SLC22A2: variants seen among roughly 807,000 people sequenced by gnomAD.
The protein encoded by SLC22A2 is organic cation transporter 2.
A neutral mutation model predicts 60.5 loss-of-function variants in SLC22A2; 46 were observed. The ratio of observed to expected loss-of-function variants is 0.76; its 90% CI spans 0.60 to 0.97. SLC22A2 has a LOEUF of 0.97. Ranked by LOEUF, SLC22A2 falls within the 50% of genes least tolerant of loss-of-function variation. SLC22A2 has a pLI of 0.00. For missense variants in SLC22A2, 701 were observed against 706.6 expected, an observed-to-expected ratio of 0.99 and a Z score of 0.09; for synonymous variants, 303 against 267.0, an observed-to-expected ratio of 1.13 and a Z score of -1.31.
At position 160,243,628 on chromosome 6, in the gene SLC22A2, GC is replaced by G. The variant is rs747110454; in HGVS notation, c.1222del (p.Ala408LeufsTer24). 1 of 1,614,042 alleles carries G rather than the reference GC, an allele frequency of 6.2e-7. No homozygotes were observed. The highest frequency in any genetic ancestry group is 1.1e-5 in the South Asian group (1 of 91,076). Reference sequence around the variant, plus strand: ...TGCCCCTGCAACCATATTTGATGCAGCCCAAGGGTAACGGCGTCCGATGCGG... The same window carrying G: ...TGCCCCTGCAACCATATTTGATGCAGCCAAGGGTAACGGCGTCCGATGCGG... ...IDRIGRRYPW[A>X]ASNMVAGAAC... is the part of the protein sequence containing the mutation. On this transcript the variant is annotated frameshift_variant, in exon 7 of 11. Coordinates refer to ENST00000366953, the MANE Select transcript of SLC22A2 (RefSeq NM_003058.4). LOFTEE classifies it high-confidence loss of function.
intron 4 of SLC22A2, among the ~76,000 whole-genome samples, chr6:160,247,738 A>C (rs1011161369): frequency 1.3e-5 from 2 of 152,212 alleles, no homozygotes; most frequent in Admixed American, 1.3e-4. Context: ...GGTAACTGAA[A>C]AGCGAGACTT....
chr6:160,257,885 A>G (rs1783299517), intron 1 of SLC22A2: 1 of 155,036 alleles, frequency 6.5e-6, no homozygotes, highest in South Asian at 2.1e-4. Context: ...TGAGGAAATT[A>G]AAGAGAAAAA....
intron 6 of SLC22A2, 50 bp from the exon 7 acceptor site, chr6:160,243,836 C>A (rs1484952650): frequency 3.0e-6 from 4 of 1,328,508 alleles, no homozygotes; most frequent in Admixed American, 3.7e-5. Flanking sequence ...ACACAGGGCA[C>A]CAAAAAAGAG....
intron 3 of SLC22A2, 123 bp from the exon 4 acceptor site, chr6:160,249,507 T>C: frequency 1.4e-6 from 1 of 716,906 alleles, no homozygotes; most frequent in Non-Finnish European, 2.4e-6. Flanking sequence ...TCTACGCAAC[T>C]CTCTGAATAT....
At chr6:160,231,388 C>A (rs1311237413) in intron 9 of SLC22A2, among the ~76,000 whole-genome samples, 1 of 151,756 alleles carries the variant, frequency 6.6e-6, no homozygotes, top group African/African-American at 2.4e-5. Flanking sequence ...CCTTAACCCA[C>A]AAATATGGAA....
At chr6:160,218,021 C>A (rs1782569399) in intron 10 of SLC22A2, 1 of 160,998 alleles carries the variant, frequency 6.2e-6, no homozygotes. Context: ...CTGCTTTCTT[C>A]ATTTTGTTGT....
intron 2 of SLC22A2, among the ~76,000 whole-genome samples, chr6:160,255,034 C>T (rs1321182978): frequency 6.6e-6 from 1 of 152,206 alleles, no homozygotes; most frequent in East Asian, 1.9e-4. Flanking sequence ...TGAATGCCTG[C>T]AGGGCCAGAG....
At position 160,247,250 on chromosome 6, in the gene SLC22A2, A is replaced by G; in HGVS notation, c.891T>C (p.Ala297=). ...TGTGCTTAATGATTCTCATGGCTTCAGCATTCTTATTCTGGGAGATCAGCC... is the reference window on the plus strand; with the variant it reads ...TGTGCTTAATGATTCTCATGGCTTCGGCATTCTTATTCTGGGAGATCAGCC... The part of the protein sequence containing the change: ...PRWLISQNKN[A]EAMRIIKHIA... The change falls in exon 5 of 11, where the codon GCT becomes GCC. Residue 297 remains alanine (A), a synonymous_variant. Transcript: ENST00000366953. The G allele has an allele frequency of 3.7e-6, 6 of 1,613,892 alleles. No homozygotes were observed. The highest frequency in any genetic ancestry group is 5.1e-6 in the Non-Finnish European group (6 of 1,179,760).
chr6:160,224,506 C>A (rs747562223), intron 10 of SLC22A2, among the ~76,000 whole-genome samples, 199 bp downstream of exon 10: 8 of 152,208 alleles, frequency 5.3e-5, no homozygotes, highest in African/African-American at 1.9e-4. Flanking sequence ...ACCTTCTCCA[C>A]GTGAAAGTTT....
chr6:160,258,792 C>T lies in SLC22A2; in HGVS notation c.-35G>A, dbSNP rs777010025. On this transcript the variant is annotated 5_prime_UTR_variant, in exon 1 of 11. Coordinates refer to ENST00000366953, the MANE Select transcript of SLC22A2 (RefSeq NM_003058.4). ...GGCAGGAGGGCCCGAGGCTGCCCGA[C>T]GTGCCCGGAGCGAGGCTGAGAGCGG... The T allele has an allele frequency of 7.6e-5, 115 of 1,510,732 alleles. 1 individual carries two copies. Among genetic ancestry groups the T allele is most frequent in the Non-Finnish European group, 9.7e-5 (110 of 1,130,424 alleles). 93.6% of individuals were successfully genotyped at this position (1,510,732 alleles called of 1,614,324 possible).
At chr6:160,232,069 T>C (rs1430928910) in intron 9 of SLC22A2, among the ~76,000 whole-genome samples, 1 of 151,892 alleles carries the variant, frequency 6.6e-6, no homozygotes, top group African/African-American at 2.4e-5. Context: ...GTTCTCATAA[T>C]TTCCAAAATC....
chr6:160,218,544 C>G (rs1309191603), intron 10 of SLC22A2, among the ~76,000 whole-genome samples: 1 of 136,900 alleles, frequency 7.3e-6, no homozygotes, highest in Non-Finnish European at 1.6e-5. Flanking sequence ...GTAGCAGCAA[C>G]AGATATGGCA....
In SLC22A2 at chr6:160,224,734, C is replaced by G. The variant is rs144511904; in HGVS notation, c.1572G>C (p.Glu524Asp). 263 of 1,607,696 alleles carry G rather than the reference C, an allele frequency of 1.6e-4. 1 individual carries two copies. The highest frequency in any genetic ancestry group is 5.8e-4 in the South Asian group (52 of 89,862). ...GCATATTTTCGGCTTCCTCGATGGT[C>G]TCAGGCAAAGCTTTCCCTTTAGTTT... ...LPETKGKALP[E>D]TIEEAENMQR... The change falls in exon 10 of 11, where the codon GAG becomes GAC. Residue 524 changes from glutamate (E) to aspartate (D), a missense_variant. Transcript: ENST00000366953.
At position 160,243,697 on chromosome 6, in the gene SLC22A2, A is replaced by G. The variant is rs1783048085; in HGVS notation, c.1154T>C (p.Leu385Pro). 6.2e-7 allele frequency: 1 copy of G among 1,614,052 alleles called. No individual in the cohort carries two copies. The highest frequency in any genetic ancestry group is 1.3e-5 in the African/African-American group (1 of 75,044). Reference protein sequence around the residue: ...NIYLDFFYSALVEFPAAFMII... With the variant: ...NIYLDFFYSAPVEFPAAFMII... Reference sequence around the variant, plus strand: ...CATGAAGGCAGCTGGGAATTCAACCAGGGCAGAGTAGAAGAAATCCAGGTA... The same window carrying G: ...CATGAAGGCAGCTGGGAATTCAACCGGGGCAGAGTAGAAGAAATCCAGGTA... Residue 385 changes from leucine (L) to proline (P), a missense_variant, in exon 7 of 11, where the codon CTG becomes CCG. Coordinates refer to ENST00000366953, the MANE Select transcript of SLC22A2 (RefSeq NM_003058.4).
chr6:160,233,388 T>A lies in SLC22A2; in HGVS notation c.1501+8086A>T, dbSNP rs944656049. Reference sequence around the variant, plus strand: ...AGTTTCTCAGGCTCTTGGTATTCAGTGGAACCTTCATACCCCTTATCATCC... The same window carrying A: ...AGTTTCTCAGGCTCTTGGTATTCAGAGGAACCTTCATACCCCTTATCATCC... On this transcript the variant is annotated intron_variant, in intron 9 of 10. Transcript: ENST00000366953. Among the ~76,000 whole-genome samples the A allele has an allele frequency of 5.3e-5, 8 of 151,768 alleles. 1 individual carries two copies. Among genetic ancestry groups the A allele is most frequent in the African/African-American group, 1.9e-4 (8 of 41,096 alleles).
chr6:160,242,047 C>T (rs544601745), intron 8 of SLC22A2, among the ~76,000 whole-genome samples: 1 of 152,216 alleles, frequency 6.6e-6, no homozygotes, highest in Admixed American at 6.5e-5. Context: ...ACAACAATCT[C>T]CCCTGTAGCC....
At chr6:160,239,940 G>C (rs1040243558) in intron 9 of SLC22A2, among the ~76,000 whole-genome samples, 3 of 152,176 alleles carry the variant, frequency 2.0e-5, no homozygotes, top group African/African-American at 7.2e-5. Context: ...CAAATTCCGT[G>C]AGAAGAAGGG....
chr6:160,247,948 G>A (rs1488576778), intron 4 of SLC22A2, among the ~76,000 whole-genome samples: 1 of 152,180 alleles, frequency 6.6e-6, no homozygotes, highest in Non-Finnish European at 1.5e-5. Context: ...TGGTGTAAAT[G>A]TAGGAAGGCC....
chr6:160,218,882 G>GCAA (rs1782589204), intron 10 of SLC22A2, among the ~76,000 whole-genome samples: 1 of 2,526 alleles, frequency 4.0e-4, no homozygotes, highest in African/African-American at 4.2e-3. Context: ...AGCAAAATCA[G>GCAA]CAGTAGCAAC....
Sources: allele counts gnomAD v4.1 joint callset (sites outside exome capture counted in the v4.1 genomes callset), GRCh38; gene constraint gnomAD v4.1.1; transcripts MANE v1.5; gene names NCBI Gene and HGNC (gene_info 2026-07-23, HGNC 2026-07-21).